The following CACNB2 variants were observed in gnomAD, a reference collection of about 807,000 sequenced individuals.
The protein encoded by CACNB2 is calcium voltage-gated channel auxiliary subunit beta 2.
CACNB2 carries 42 observed loss-of-function variants against 73.3 expected under a neutral mutation model. The ratio of observed to expected loss-of-function variants is 0.57; its 90% confidence interval spans 0.45 to 0.74. The LOEUF (loss-of-function observed/expected upper bound fraction) is 0.74. Among genes scored for constraint, CACNB2 ranks in the 30% least tolerant of loss-of-function variants. The pLI is 0.00. For missense variants in CACNB2, 940 were observed against 853.0 expected, an observed-to-expected ratio of 1.10 and a Z score of -1.27; for synonymous variants, 348 against 310.3, an observed-to-expected ratio of 1.12 and a Z score of -1.28.
intron 2 of CACNB2, among the ~76,000 whole-genome samples, chr10:18,363,642 A>C (rs1330565046): frequency 6.6e-6 from 1 of 152,164 alleles, no homozygotes; most frequent in Non-Finnish European, 1.5e-5. Context: ...CATGTTTAAA[A>C]TATGTATATG....
intron 2 of CACNB2, among the ~76,000 whole-genome samples, chr10:18,401,652 A>T (rs1418328080): frequency 6.6e-6 from 1 of 152,216 alleles, no homozygotes; most frequent in African/African-American, 2.4e-5. Context: ...CTGTTTAATT[A>T]TAAAACCAAC....
At chr10:18,369,124 T>A (rs59389737) in intron 2 of CACNB2, among the ~76,000 whole-genome samples, 46,351 of 151,888 alleles carry the variant, frequency 0.31, 7,521 homozygotes, top group East Asian at 0.69. Flanking sequence ...TGTTTATTCC[T>A]TAAAATGAGG....
chr10:18,201,374 A>C (rs2034875024), intron 2 of CACNB2, among the ~76,000 whole-genome samples: 1 of 151,230 alleles, frequency 6.6e-6, no homozygotes, highest in African/African-American at 2.4e-5. Context: ...TCCTGGGCTC[A>C]AGCAGTTCTC....
At chr10:18,465,794 G>A (rs545641385) in intron 3 of CACNB2, among the ~76,000 whole-genome samples, 14 of 151,022 alleles carry the variant, frequency 9.3e-5, no homozygotes, top group Admixed American at 2.0e-4. Flanking sequence ...TAGTTCTCCT[G>A]CCTCAGCCTC....
At chr10:18,263,011 C>T (rs2131604936) in intron 2 of CACNB2, among the ~76,000 whole-genome samples, 1 of 152,254 alleles carries the variant, frequency 6.6e-6, no homozygotes, top group South Asian at 2.1e-4. Flanking sequence ...ATATAGAGCA[C>T]AGATGTCTTT....
intron 2 of CACNB2, among the ~76,000 whole-genome samples, chr10:18,318,678 T>C (rs1369038220): frequency 1.3e-5 from 2 of 152,070 alleles, no homozygotes; most frequent in African/African-American, 4.8e-5. Context: ...ACCTACAGAA[T>C]AGGAGAAAAT....
chr10:18,282,340 C>T (rs2038589582), intron 2 of CACNB2, among the ~76,000 whole-genome samples: 1 of 152,202 alleles, frequency 6.6e-6, no homozygotes, highest in South Asian at 2.1e-4. Context: ...TGCAGAGCAA[C>T]AGAGGTGTCT....
chr10:18,237,233 G>T (rs564872804), intron 2 of CACNB2, among the ~76,000 whole-genome samples: 2 of 152,286 alleles, frequency 1.3e-5, no homozygotes, highest in Non-Finnish European at 2.9e-5. Flanking sequence ...ATAATCCCCA[G>T]TACTTATGAA....
chr10:18,287,142 A>G (rs915812724), intron 2 of CACNB2, among the ~76,000 whole-genome samples: 1 of 152,074 alleles, frequency 6.6e-6, no homozygotes, highest in Non-Finnish European at 1.5e-5. Flanking sequence ...CGGCCTAGCC[A>G]ACATAGTGAA....
intron 3 of CACNB2, among the ~76,000 whole-genome samples, chr10:18,451,316 G>A (rs541102722): frequency 2.0e-5 from 3 of 152,314 alleles, no homozygotes; most frequent in African/African-American, 7.2e-5. Flanking sequence ...TTTAAGAAGA[G>A]ATTTAGAAGC....
At chr10:18,483,440 A>C (rs1349068291) in intron 3 of CACNB2, among the ~76,000 whole-genome samples, 2 of 151,394 alleles carry the variant, frequency 1.3e-5, no homozygotes, top group African/African-American at 4.9e-5. Flanking sequence ...CTGAGACAGG[A>C]GAATCGCTTG....
intron 9 of CACNB2, among the ~76,000 whole-genome samples, chr10:18,522,845 T>C: frequency 8.4e-6 from 1 of 119,116 alleles, no homozygotes; most frequent in Admixed American, 1.1e-4. Flanking sequence ...GCCACTGCCC[T>C]CCAGCCTGGG....
chr10:18,210,888 A>G (rs181811228), intron 2 of CACNB2, among the ~76,000 whole-genome samples: 1 of 152,326 alleles, frequency 6.6e-6, no homozygotes, highest in African/African-American at 2.4e-5. Context: ...GACTCAGAAT[A>G]TGAGTACAGG....
At chr10:18,343,456 G>A (rs1414719107) in intron 2 of CACNB2, among the ~76,000 whole-genome samples, 1 of 152,102 alleles carries the variant, frequency 6.6e-6, no homozygotes, top group Non-Finnish European at 1.5e-5. Context: ...TCTTCTCTGA[G>A]CCTCAGTTTC....
intron 9 of CACNB2, chr10:18,519,720 G>T (rs1266350929): frequency 2.2e-6 from 1 of 455,778 alleles, no homozygotes; most frequent in Admixed American, 2.4e-5. Flanking sequence ...TTTACAGGAA[G>T]ATTCCTTGAA....
intron 3 of CACNB2, 93 bp from the exon 4 acceptor site, chr10:18,498,262 G>A: frequency 1.4e-6 from 2 of 1,445,618 alleles, no homozygotes; most frequent in Non-Finnish European, 1.9e-6. Flanking sequence ...AATGATTACA[G>A]TAGTTATTCA....
intron 2 of CACNB2, among the ~76,000 whole-genome samples, chr10:18,201,466 G>T (rs554478004): frequency 2.6e-5 from 4 of 151,964 alleles, no homozygotes; most frequent in African/African-American, 9.7e-5. Flanking sequence ...GTAGAGATGG[G>T]GTTTCACCAT....
intron 3 of CACNB2, among the ~76,000 whole-genome samples, chr10:18,492,955 A>G (rs777467733): frequency 1.3e-5 from 2 of 152,212 alleles, no homozygotes; most frequent in African/African-American, 2.4e-5. Flanking sequence ...TACTGTATAT[A>G]GTTAGCCCTC....
intron 3 of CACNB2, among the ~76,000 whole-genome samples, chr10:18,445,848 A>T (rs2046706539): frequency 6.6e-6 from 1 of 152,244 alleles, no homozygotes; most frequent in African/African-American, 2.4e-5. Context: ...AGCCTGGTCA[A>T]CATGGTGAAA....
Sources: allele counts gnomAD v4.1 joint callset (sites outside exome capture counted in the v4.1 genomes callset), GRCh38; gene constraint gnomAD v4.1.1; transcripts MANE v1.5; gene names NCBI Gene and HGNC (gene_info 2026-07-23, HGNC 2026-07-21).